The following ADAM12 variants were observed in gnomAD, a reference collection of about 807,000 sequenced individuals.
The protein encoded by ADAM12 is ADAM metallopeptidase domain 12.
A neutral mutation model predicts 106.4 loss-of-function variants in ADAM12; 70 were observed. The observed-to-expected ratio is 0.66, with a 90% CI of 0.54 to 0.80. The LOEUF (loss-of-function observed/expected upper bound fraction) is 0.80, where lower values mean the gene tolerates loss of function less well. ADAM12 is among the 30% of genes least tolerant of loss of function. ADAM12 has a pLI of 0.00. For synonymous variants in ADAM12, 420 were observed against 433.5 expected (o/e 0.97, Z 0.39); for missense variants, 1,010 against 1,171.9 (o/e 0.86, Z 2.02).
chr10:126,096,919 CTTT>C (rs1038739985), intron 10 of ADAM12, among the ~76,000 whole-genome samples: 3 of 151,982 alleles, frequency 2.0e-5, no homozygotes, highest in African/African-American at 7.3e-5. Context: ...TTTCATATAC[CTTT>C]TTTAAAAATA....
intron 14 of ADAM12, among the ~76,000 whole-genome samples, chr10:126,050,728 C>T (rs12763802): frequency 0.14 from 21,460 of 152,174 alleles, 1,667 homozygotes; most frequent in Admixed American, 0.23. Flanking sequence ...GCACCTGATC[C>T]CTTCTCATCA....
intron 3 of ADAM12, among the ~76,000 whole-genome samples, chr10:126,183,805 G>A (rs1957355293): frequency 6.6e-6 from 1 of 152,162 alleles, no homozygotes; most frequent in South Asian, 2.1e-4. Context: ...TGAATGGATG[G>A]AAAAGTGAGT....
At position 126,155,308 on chromosome 10, in the gene ADAM12, G is replaced by A. The variant is rs748138518; in HGVS notation, c.261-3C>T. Reference sequence around the variant, plus strand: ...TGAAACTGCTGGCAATGAGACCTCTGCGGAAAAACAAAAACACCATAAAAA... The same window carrying A: ...TGAAACTGCTGGCAATGAGACCTCTACGGAAAAACAAAAACACCATAAAAA... On this transcript the variant is annotated splice_polypyrimidine_tract_variant and splice_region_variant and intron_variant, in intron 3 of 22. Transcript: ENST00000448723. The A allele has an allele frequency of 3.7e-6, 6 of 1,613,316 alleles. No homozygotes were observed. The South Asian group carries it at 5.5e-5, about 15-fold the overall frequency.
chr10:126,281,294 CTTAG>C (rs1177757533), intron 2 of ADAM12, among the ~76,000 whole-genome samples: 2 of 152,128 alleles, frequency 1.3e-5, no homozygotes, highest in East Asian at 1.9e-4. Context: ...ATATAAGTAA[CTTAG>C]TTACTTTAGT....
rs1954826605 is a variant in ADAM12 at position 126,064,659 on chromosome 10, C to T, written c.1609+147G>A. On this transcript the variant is annotated intron_variant, in intron 14 of 22. Coordinates refer to ENST00000448723, the MANE Select transcript of ADAM12 (RefSeq NM_001288973.2). The surrounding 1 kb of genome is among the most constrained non-coding windows in gnomAD (Gnocchi z 4.4). The stretch of plus-strand genomic sequence containing the variant: ...GCGGCCTCAGACCCTCCCTGGGAGT[C>T]AATCACTCCCGACTGAACACACCGG... 1.2e-6 allele frequency: 1 copy of T among 845,354 alleles called. No homozygotes were observed. Among genetic ancestry groups the T allele is most frequent in the South Asian group, 1.8e-5 (1 of 56,174 alleles). The allele number at this position is 845,354 out of a possible 1,614,324, so 52.4% of individuals were successfully genotyped here. A position where few individuals can be genotyped will look rare whatever the true frequency, so the allele number is the denominator to read the frequency against.
In ADAM12 at chr10:126,299,268, G is replaced by C. The variant is rs148761264; in HGVS notation, c.187-20280C>G. On this transcript the variant is annotated intron_variant, in intron 2 of 22. Coordinates refer to ENST00000448723, the MANE Select transcript of ADAM12 (RefSeq NM_001288973.2). ...AGAAGATTCCATGACCCCAGGCCTC[G>C]GCATGCCTGCCTGGAACTTCAGTCA... Among the ~76,000 whole-genome samples the C allele has an allele frequency of 1.4e-4, 21 of 152,250 alleles. No individual in the cohort carries two copies. The East Asian group carries it at 2.1e-3, about 15-fold the overall frequency.
intron 1 of ADAM12, among the ~76,000 whole-genome samples, chr10:126,367,312 A>T (rs1855945263): frequency 6.6e-6 from 1 of 152,010 alleles, no homozygotes; most frequent in Non-Finnish European, 1.5e-5. Flanking sequence ...TTTCTAAATA[A>T]GCCACGAGTC....
chr10:126,380,000 G>A (rs1856433758), intron 1 of ADAM12, among the ~76,000 whole-genome samples: 1 of 152,172 alleles, frequency 6.6e-6, no homozygotes, highest in Non-Finnish European at 1.5e-5. Context: ...CCAGGAGTAG[G>A]TAAACAGACA....
chr10:126,282,404 T>G (rs1959627360), intron 2 of ADAM12, among the ~76,000 whole-genome samples: 1 of 152,214 alleles, frequency 6.6e-6, no homozygotes, highest in African/African-American at 2.4e-5. Context: ...CTAAATTCAT[T>G]ATTACATTTC....
chr10:126,118,113 A>G lies in ADAM12; in HGVS notation c.528T>C (p.Cys176=). The G allele has an allele frequency of 1.2e-6, 2 of 1,614,180 alleles. No homozygotes were observed. The highest frequency in any genetic ancestry group is 1.7e-6 in the Non-Finnish European group (2 of 1,180,020). ...AKKLKSVRGS[C]GSHHNTPNLA... is the part of the protein sequence containing the mutation. ...GGTTTGGTGTGTTGTGATGTGATCC[A>G]CATGATCCCCGGACGCTTTTCAGCT... The change falls in exon 6 of 23, where the codon TGT becomes TGC. Residue 176 remains cysteine (C), a synonymous_variant. Transcript: ENST00000448723.
At chr10:126,361,559 A>G (rs570194368) in intron 1 of ADAM12, among the ~76,000 whole-genome samples, 2 of 152,366 alleles carry the variant, frequency 1.3e-5, no homozygotes, top group Non-Finnish European at 2.9e-5. Context: ...TAGCAACTAA[A>G]ATAGCATGGT....
At chr10:126,117,208 A>G (rs746991058) in intron 6 of ADAM12, among the ~76,000 whole-genome samples, 1 of 152,198 alleles carries the variant, frequency 6.6e-6, no homozygotes, top group Non-Finnish European at 1.5e-5. Flanking sequence ...AAAGAGCTCT[A>G]CTGTAGCCTC....
At chr10:126,113,731 T>TAAAAAA (rs1554970680) in intron 6 of ADAM12, among the ~76,000 whole-genome samples, 1 of 25,960 alleles carries the variant, frequency 3.9e-5, no homozygotes, top group African/African-American at 1.6e-4. Flanking sequence ...TATATATATA[T>TAAAAAA]AATATATTGC....
intron 3 of ADAM12, among the ~76,000 whole-genome samples, chr10:126,223,405 A>C (rs1210087519): frequency 6.6e-6 from 1 of 152,244 alleles, no homozygotes; most frequent in Non-Finnish European, 1.5e-5. Context: ...CATTTCTCCA[A>C]GGAAATGATT....
At chr10:126,122,878 TC>T (rs1477419175) in intron 5 of ADAM12, among the ~76,000 whole-genome samples, 2 of 152,260 alleles carry the variant, frequency 1.3e-5, no homozygotes, top group Non-Finnish European at 2.9e-5. Flanking sequence ...CTATTTTACA[TC>T]GGATCTAAAT....
intron 2 of ADAM12, among the ~76,000 whole-genome samples, chr10:126,292,384 A>C (rs1460083242): frequency 6.6e-6 from 1 of 152,074 alleles, no homozygotes. Flanking sequence ...GTACCTCCAC[A>C]GTTCCTTCTA....
chr10:126,161,018 TA>T, intron 3 of ADAM12, among the ~76,000 whole-genome samples: 1 of 152,346 alleles, frequency 6.6e-6, no homozygotes. Context: ...ATCTCTTATC[TA>T]AAGCAGCCCC....
At chr10:126,225,854 G>A (rs1181069180) in intron 3 of ADAM12, among the ~76,000 whole-genome samples, 2 of 152,144 alleles carry the variant, frequency 1.3e-5, no homozygotes, top group Non-Finnish European at 2.9e-5. Context: ...CCCTTACAAC[G>A]ATGTTACGAC....
chr10:126,168,353 T>C (rs1016000026), intron 3 of ADAM12, among the ~76,000 whole-genome samples: 1 of 152,246 alleles, frequency 6.6e-6, no homozygotes, highest in African/African-American at 2.4e-5. Flanking sequence ...TTTCTTCTTT[T>C]ATGACTTTGA....
Sources: allele counts gnomAD v4.1 joint callset (sites outside exome capture counted in the v4.1 genomes callset), GRCh38; gene constraint gnomAD v4.1.1; non-coding constraint Gnocchi (gnomAD v3.1); transcripts MANE v1.5; gene names NCBI Gene and HGNC (gene_info 2026-07-23, HGNC 2026-07-21).